The following ARPC1B variants were observed in gnomAD, a reference collection of about 807,000 sequenced individuals.
ARPC1B encodes the protein actin related protein 2/3 complex subunit 1B, also known as actin-related protein 2/3 complex subunit 1B.
ARPC1B carries 29 observed loss-of-function variants against 46.0 expected under a neutral mutation model. The observed-to-expected ratio is 0.63, with a 90% confidence interval of 0.47 to 0.86. The LOEUF (loss-of-function observed/expected upper bound fraction) is 0.86, where lower values mean the gene tolerates loss of function less well. ARPC1B is among the 40% of genes least tolerant of loss of function. The probability of loss-of-function intolerance (pLI) is 0.00; values close to 1 mark genes in which losing one functional copy is unlikely to be tolerated. For synonymous variants in ARPC1B, 201 were observed against 213.9 expected (o/e 0.94, Z 0.53); for missense variants, 469 against 529.4 (o/e 0.89, Z 1.12).
intron 7 of ARPC1B, chr7:99,392,004 G>A (rs1253008650): frequency 1.3e-5 from 2 of 151,986 alleles, no homozygotes; most frequent in African/African-American, 4.8e-5. Flanking sequence ...TGAGCCAAGG[G>A]TGAGCCACCG....
Position 99,386,838 on chromosome 7 carries a change from G to A in ARPC1B, c.169+49G>A, listed in dbSNP as rs1275642704. On this transcript the variant is annotated intron_variant, in intron 3 of 9. Coordinates refer to ENST00000646101, the MANE Select transcript of ARPC1B (RefSeq NM_005720.4). ...CCGTCCTGAAAGGAGGTGGTGGGTT[G>A]GGGGGGTGGTGCAAGGCAGGGCATG... The A allele has an allele frequency of 2.8e-6, 4 of 1,435,138 alleles. No individual in the cohort carries two copies. In the African/African-American group the frequency reaches 4.3e-5, roughly 15 times the overall value. 88.9% of individuals were successfully genotyped at this position (1,435,138 alleles called of 1,614,324 possible). A position where few individuals can be genotyped will look rare whatever the true frequency, so the allele number is the denominator to read the frequency against.
chr7:99,391,347 C>G, intron 7 of ARPC1B, 94 bp downstream of exon 7: 1 of 1,303,546 alleles, frequency 7.7e-7, no homozygotes, highest in South Asian at 1.3e-5. Context: ...TCTCCTGCCT[C>G]CCTCCTTTTT....
intron 1 of ARPC1B, among the ~76,000 whole-genome samples, chr7:99,380,706 C>T (rs752104312): frequency 6.6e-6 from 1 of 152,224 alleles, no homozygotes; most frequent in Non-Finnish European, 1.5e-5. Context: ...ACAGCCAGGG[C>T]AGAGATGTGG....
rs1276049358 is a variant in ARPC1B, at chr7:99,392,720, T to C, written c.833T>C (p.Met278Thr). ...TTCACCTATGACGCCGCCGCGGGGA[T>C]GCTGAGCTTCGGCGGGCGGCTGGAC... is the stretch of plus-strand genomic sequence containing the variant. ...VLFTYDAAAG[M>T]LSFGGRLDVP... is the part of the protein sequence containing the mutation. The change falls in exon 8 of 10, where the codon ATG (methionine) becomes ACG (threonine). Residue 278 changes from methionine to threonine, a missense_variant. Met to Thr is a moderately conservative substitution (Grantham distance 81). Transcript: ENST00000646101. 1 of 1,547,960 alleles carries C rather than the reference T, an allele frequency of 6.5e-7. No individual in the cohort carries two copies. The highest frequency in any genetic ancestry group is 1.2e-5 in the South Asian group (1 of 84,000).
chr7:99,386,475 T>C, intron 2 of ARPC1B: 1 of 651,760 alleles, frequency 1.5e-6, no homozygotes, highest in South Asian at 1.5e-5. Flanking sequence ...GTCCCAGGGT[T>C]CATTGCTGCG....
intron 9 of ARPC1B, 144 bp from the exon 10 acceptor site, chr7:99,394,307 G>C (rs773311549): frequency 2.8e-6 from 3 of 1,063,432 alleles, no homozygotes; most frequent in Admixed American, 1.8e-5. Context: ...TTCAGGGCCG[G>C]GATTCCAACC....
chr7:99,389,761 G>C (rs1332955613), intron 4 of ARPC1B, 144 bp from the exon 5 acceptor site: 7 of 723,028 alleles, frequency 9.7e-6, no homozygotes, highest in Non-Finnish European at 1.7e-5. Context: ...TGACGGCCTT[G>C]TGGGCTGGCA....
intron 1 of ARPC1B, among the ~76,000 whole-genome samples, chr7:99,375,310 C>T (rs1018643296): frequency 6.6e-6 from 1 of 152,162 alleles, no homozygotes; most frequent in South Asian, 2.1e-4. Context: ...AATGAGCTGG[C>T]GTCTCCTGCC....
At position 99,375,334 on chromosome 7, in the gene ARPC1B, C is replaced by A. The variant is rs563783223; in HGVS notation, c.-14+553C>A. Among the ~76,000 whole-genome samples the A allele has an allele frequency of 7.9e-5, 12 of 152,318 alleles. No homozygotes were observed. In the South Asian group the frequency reaches 2.5e-3, roughly 32 times the overall value. On this transcript the variant is annotated intron_variant, in intron 1 of 9. Coordinates refer to ENST00000646101, the MANE Select transcript of ARPC1B (RefSeq NM_005720.4). Reference sequence around the variant, plus strand: ...GCGTCTCCTGCCGCCCCGCCCCTGCCCTCCTGGCCGCTCCCGCTGCTCCCA... The same window carrying A: ...GCGTCTCCTGCCGCCCCGCCCCTGCACTCCTGGCCGCTCCCGCTGCTCCCA...
In ARPC1B at chr7:99,392,863, A is replaced by G; in HGVS notation, c.976A>G (p.Lys326Glu). The G allele has an allele frequency of 1.3e-6, 2 of 1,545,918 alleles. No individual in the cohort carries two copies. Among genetic ancestry groups the G allele is most frequent in the Non-Finnish European group, 1.7e-6 (2 of 1,143,904 alleles). ...GGGCGCGGGCCTAGACTCGCTGCAC[A>G]AGAACAGCGTCAGGTGAGAGCGGGA... Reference protein sequence around the residue: ...AAGAGLDSLHKNSVSQISVLS... With the variant: ...AAGAGLDSLHENSVSQISVLS... Residue 326 changes from lysine (K) to glutamate (E), a missense_variant, in exon 8 of 10, where the codon AAG becomes GAG. Lys to Glu is a moderately conservative substitution (Grantham distance 56). Transcript: ENST00000646101.
At position 99,385,773 on chromosome 7, in the gene ARPC1B, G is replaced by A. The variant is rs141634815; in HGVS notation, c.59G>A (p.Arg20His). 94 of 1,608,916 alleles carry A rather than the reference G, an allele frequency of 5.8e-5. No homozygotes were observed. In the African/African-American group the frequency reaches 1.0e-3, roughly 17 times the overall value. The change falls in exon 2 of 10, where the codon CGC becomes CAC. Residue 20 changes from arginine to histidine, a missense_variant. By Grantham distance (29) the Arg-to-His change is conservative. Transcript: ENST00000646101. ...PISCHAWNKD[R>H]TQIAICPNNH... ...AGCTGCCACGCCTGGAACAAGGACC[G>A]CACCCGTGAGTGCTTGCTGGGGGCC...
intron 8 of ARPC1B, among the ~76,000 whole-genome samples, 171 bp downstream of exon 8, chr7:99,393,047 C>T (rs1052913162): frequency 2.6e-5 from 4 of 152,042 alleles, no homozygotes; most frequent in Admixed American, 1.3e-4. Context: ...GCCGGAACGG[C>T]GTCTGATGAG....
chr7:99,394,684 T>A lies in ARPC1B; in HGVS notation c.*195T>A. The A allele has an allele frequency of 7.7e-7, 1 of 1,305,552 alleles. No homozygotes were observed. 80.9% of individuals were successfully genotyped at this position (1,305,552 alleles called of 1,614,324 possible). Reference sequence around the variant, plus strand: ...AAGGAATACGTGCCTTTTTCTTAAATGCTTTCATTTATTGAAAAAAAAAAA... The same window carrying A: ...AAGGAATACGTGCCTTTTTCTTAAAAGCTTTCATTTATTGAAAAAAAAAAA... On this transcript the variant is annotated 3_prime_UTR_variant, in exon 10 of 10. Transcript: ENST00000646101.
At chr7:99,385,095 C>T (rs566652600) in intron 1 of ARPC1B, among the ~76,000 whole-genome samples, 2 of 150,864 alleles carry the variant, frequency 1.3e-5, no homozygotes, top group East Asian at 2.0e-4. Context: ...GCTGGGACTA[C>T]AGGTGCCCGC....
chr7:99,381,083 G>C (rs1231036291), intron 1 of ARPC1B, among the ~76,000 whole-genome samples: 1 of 152,202 alleles, frequency 6.6e-6, no homozygotes, highest in African/African-American at 2.4e-5. Context: ...CACAGGAAAC[G>C]CTCAGGGAAA....
intron 1 of ARPC1B, among the ~76,000 whole-genome samples, chr7:99,385,025 G>A (rs1318036055): frequency 7.1e-6 from 1 of 140,954 alleles, no homozygotes; most frequent in Non-Finnish European, 1.5e-5. Flanking sequence ...GAGTGCAGTG[G>A]TGCGATCTCG....
At chr7:99,386,313 G>C (rs967856401) in intron 2 of ARPC1B, 1 of 397,440 alleles carries the variant, frequency 2.5e-6, no homozygotes, top group Admixed American at 3.6e-5. Context: ...TTTCGGAGGA[G>C]ATGACATTTT....
At chr7:99,376,208 CTAAATAAA>C (rs1450546206) in intron 1 of ARPC1B, among the ~76,000 whole-genome samples, 1 of 152,178 alleles carries the variant, frequency 6.6e-6, no homozygotes, top group African/African-American at 2.4e-5. Context: ...GACTCCGTCT[CTAAATAAA>C]TAAATAAAAT....
At position 99,390,031 on chromosome 7, in the gene ARPC1B, G is replaced by C; in HGVS notation, c.500+19G>C. ...AGTGTCGGTGAGACAGGGCGCCATG[G>C]GGGAGGGCGGGGCTGACGTCAACTG... On this transcript the variant is annotated intron_variant, in intron 5 of 9. Transcript: ENST00000646101. 1 of 1,604,912 alleles carries C rather than the reference G, an allele frequency of 6.2e-7. No homozygotes were observed. Among genetic ancestry groups the C allele is most frequent in the Non-Finnish European group, 8.5e-7 (1 of 1,172,652 alleles).
Sources: gnomAD v4.1 joint callset for allele counts (sites outside exome capture counted in the v4.1 genomes callset) on GRCh38, gnomAD v4.1.1 for gene constraint, MANE v1.5 for transcripts, NCBI Gene and HGNC (gene_info 2026-07-23, HGNC 2026-07-21) for gene names.